The following CIP2A variants were observed in gnomAD, a reference collection of about 807,000 sequenced individuals.
CIP2A encodes the protein protein CIP2A.
In CIP2A, 103 loss-of-function variants were observed where a neutral mutation model predicts 110.9. The ratio of observed to expected loss-of-function variants is 0.93; its 90% CI spans 0.79 to 1.09. The LOEUF (loss-of-function observed/expected upper bound fraction) is 1.09, where lower values mean the gene tolerates loss of function less well. Ranked by LOEUF, CIP2A falls within the 50% of genes least tolerant of loss-of-function variation. CIP2A has a pLI of 0.00. For missense variants in CIP2A, 1,088 were observed against 1,038.4 expected (o/e 1.05, Z -0.66); for synonymous variants, 381 against 361.6 (o/e 1.05, Z -0.61).
intron 4 of CIP2A, among the ~76,000 whole-genome samples, chr3:108,581,882 C>G (rs1314802449): frequency 6.6e-6 from 1 of 152,040 alleles, no homozygotes; most frequent in East Asian, 1.9e-4. Context: ...ATTAAAGTTG[C>G]TTTACAATTT....
intron 8 of CIP2A, among the ~76,000 whole-genome samples, chr3:108,571,509 C>A (rs995420615): frequency 6.6e-6 from 1 of 152,132 alleles, no homozygotes; most frequent in Non-Finnish European, 1.5e-5. Flanking sequence ...AAAAGACAAA[C>A]CCTGTAGGCA....
Position 108,574,800 on chromosome 3 carries a change from G to T in CIP2A, c.894+1471C>A. On this transcript the variant is annotated intron_variant, in intron 8 of 20. Transcript: ENST00000295746. ...CTTTGGAAAGCCCCCAGGGCACCGT[G>T]ACCAGGGTTCACAGTGGCCAAGTCA... is the stretch of plus-strand genomic sequence containing the variant. 3.9e-5 allele frequency: 6 copies of T among 154,162 alleles called. No individual in the cohort carries two copies. The South Asian group carries it at 1.1e-3, about 28-fold the overall frequency. 9.5% of individuals were successfully genotyped at this position (154,162 alleles called of 1,614,324 possible). A position where few individuals can be genotyped will look rare whatever the true frequency, so the allele number is the denominator to read the frequency against.
chr3:108,553,530 CA>C, intron 19 of CIP2A, 117 bp downstream of exon 19: 3 of 890,062 alleles, frequency 3.4e-6, no homozygotes, highest in Non-Finnish European at 4.9e-6. Flanking sequence ...GAAGCCATTC[CA>C]AATATGATTT....
chr3:108,580,293 T>G (rs76988830), intron 5 of CIP2A, among the ~76,000 whole-genome samples: 1,963 of 152,350 alleles, frequency 0.013, 51 homozygotes, highest in African/African-American at 0.044. Context: ...GTTTCGTATA[T>G]TGCTGACAGT....
chr3:108,576,094 T>C (rs571050823), intron 8 of CIP2A, among the ~76,000 whole-genome samples, 177 bp downstream of exon 8: 2 of 152,032 alleles, frequency 1.3e-5, no homozygotes, highest in Admixed American at 6.6e-5. Context: ...CAAGAAGAGT[T>C]CTAGAATACT....
rs892553646 is a variant in CIP2A, at chr3:108,569,733, T to C, written c.895-126A>G. On this transcript the variant is annotated intron_variant, in intron 8 of 20. Coordinates refer to ENST00000295746, the MANE Select transcript of CIP2A (RefSeq NM_020890.3). ...ATATTCTAAAACAAAACTTAAGTTT[T>C]TTCTTTCAATATTATTTTTCAAATG... The C allele has an allele frequency of 8.6e-6, 6 of 696,140 alleles. No homozygotes were observed. The African/African-American group carries it at 1.1e-4, about 13-fold the overall frequency. 43.1% of individuals were successfully genotyped at this position (696,140 alleles called of 1,614,324 possible). A position where few individuals can be genotyped will look rare whatever the true frequency, so the allele number is the denominator to read the frequency against.
chr3:108,583,418 A>G (rs185653750), intron 2 of CIP2A, among the ~76,000 whole-genome samples: 17 of 152,364 alleles, frequency 1.1e-4, no homozygotes, highest in Admixed American at 7.2e-4. Context: ...TTGGCCATAT[A>G]AAAGAATGCA....
Position 108,582,144 on chromosome 3 carries a change from T to C in CIP2A, c.416A>G (p.Asn139Ser), listed in dbSNP as rs1458542979. The C allele has an allele frequency of 3.3e-6, 5 of 1,511,804 alleles. No homozygotes were observed. The highest frequency in any genetic ancestry group is 1.7e-4 in the Middle Eastern group (1 of 5,796). 93.6% of individuals were successfully genotyped at this position (1,511,804 alleles called of 1,614,324 possible). ...CAGGAACGTAATTAATTCATCTATA[T>C]TGGCACCAGAATAGAAAATTTTGAC... ...YNVKIFYSGA[N>S]IDELITFLID... The change falls in exon 4 of 21, where the codon AAT (asparagine) becomes AGT (serine). Residue 139 changes from asparagine (N) to serine (S), a missense_variant. By Grantham distance (46) the Asn-to-Ser change is conservative. Coordinates refer to ENST00000295746, the MANE Select transcript of CIP2A (RefSeq NM_020890.3).
intron 17 of CIP2A, 31 bp downstream of exon 17, chr3:108,557,186 TA>T: frequency 7.1e-7 from 1 of 1,408,498 alleles, no homozygotes; most frequent in Non-Finnish European, 9.7e-7. Flanking sequence ...TTCTAGGTTC[TA>T]ACCTTACACA....
intron 13 of CIP2A, among the ~76,000 whole-genome samples, chr3:108,561,447 G>A (rs984368697): frequency 6.6e-6 from 1 of 152,150 alleles, no homozygotes; most frequent in African/African-American, 2.4e-5. Context: ...ACTTTGGGAG[G>A]ATCACTTGAG....
intron 7 of CIP2A, among the ~76,000 whole-genome samples, chr3:108,577,399 T>C (rs978217418): frequency 2.6e-5 from 4 of 152,068 alleles, no homozygotes; most frequent in African/African-American, 4.8e-5. Context: ...AAAGACAAAA[T>C]GAGGCAATAC....
At position 108,551,330 on chromosome 3, in the gene CIP2A, G is replaced by C; in HGVS notation, c.2548-11C>G. On this transcript the variant is annotated splice_polypyrimidine_tract_variant and intron_variant, in intron 20 of 20. Coordinates refer to ENST00000295746, the MANE Select transcript of CIP2A (RefSeq NM_020890.3). ...CTCTAGGGAGGAAGCCTAAGGAATTGGGGTTGGGGGAGGAGGAAGAATTGA... is the reference window on the plus strand; with the variant it reads ...CTCTAGGGAGGAAGCCTAAGGAATTCGGGTTGGGGGAGGAGGAAGAATTGA... The C allele has an allele frequency of 6.3e-7, 1 of 1,584,868 alleles. No individual in the cohort carries two copies. Among genetic ancestry groups the C allele is most frequent in the Non-Finnish European group, 8.6e-7 (1 of 1,164,718 alleles).
At chr3:108,553,116 C>CTTTTTTTTTTTTTTTTTTTTTTTTT (rs1559687188) in intron 19 of CIP2A, among the ~76,000 whole-genome samples, 1 of 131,110 alleles carries the variant, frequency 7.6e-6, no homozygotes, top group African/African-American at 2.9e-5. Context: ...CATCTCTTTC[C>CTTTTTTTTTTTTTTTTTTTTTTTTT]TTTTGTTTTT....
In CIP2A at chr3:108,566,623, T is replaced by C. The variant is rs1938195663; in HGVS notation, c.1289A>G (p.Asp430Gly). 1 of 1,602,084 alleles carries C rather than the reference T, an allele frequency of 6.2e-7. No individual in the cohort carries two copies. The highest frequency in any genetic ancestry group is 1.3e-5 in the African/African-American group (1 of 74,302). Residue 430 changes from aspartate to glycine, a missense_variant, in exon 11 of 21, where the codon GAT (aspartate) becomes GGT (glycine). Physicochemically the swap from Asp to Gly is moderately conservative, Grantham distance 94. Transcript: ENST00000295746. ...TTTTGCAATATGCATTTTTAGTGTA[T>C]CATCTCCACAGAGAGGTTAAGTTTT... Reference protein sequence around the residue: ...IEVLLTLCGDDTLKMHIAKIL... With the variant: ...IEVLLTLCGDGTLKMHIAKIL...
Position 108,557,404 on chromosome 3 carries a change from A to G in CIP2A, c.2024T>C (p.Leu675Pro). ...RTQAETEART[L>P]ASMLREVERK... Reference sequence around the variant, plus strand: ...CTCAACTTCTCTCAACATACTAGCAAGTGTCCGTGCCTCAAAAAAAAAAAG... The same window carrying G: ...CTCAACTTCTCTCAACATACTAGCAGGTGTCCGTGCCTCAAAAAAAAAAAG... The change falls in exon 17 of 21, where the codon CTT becomes CCT. Residue 675 changes from leucine (L) to proline (P), a missense_variant. By Grantham distance (98) the Leu-to-Pro change is moderately conservative. Coordinates refer to ENST00000295746, the MANE Select transcript of CIP2A (RefSeq NM_020890.3). 1 of 1,593,394 alleles carries G rather than the reference A, an allele frequency of 6.3e-7. No individual in the cohort carries two copies. Among genetic ancestry groups the G allele is most frequent in the Non-Finnish European group, 8.6e-7 (1 of 1,168,320 alleles).
intron 20 of CIP2A, among the ~76,000 whole-genome samples, chr3:108,552,028 C>T (rs897622697): frequency 6.6e-6 from 1 of 152,158 alleles, no homozygotes; most frequent in African/African-American, 2.4e-5. Flanking sequence ...CAGGTGCTGA[C>T]ACAAAGTATC....
rs1226655993 is a variant in CIP2A at position 108,553,132 on chromosome 3, T to G, written c.2407+516A>C. ...ATCTCTTTCCTTTTGTTTTTTTTTT[T>G]TTTTTTTTTTTTTTTGAGACAGTCT... On this transcript the variant is annotated intron_variant, in intron 19 of 20. Coordinates refer to ENST00000295746, the MANE Select transcript of CIP2A (RefSeq NM_020890.3). Among the ~76,000 whole-genome samples the G allele has an allele frequency of 4.8e-4, 67 of 139,518 alleles. No individual in the cohort carries two copies. The South Asian group carries it at 8.8e-3, about 18-fold the overall frequency. 91.5% of individuals were successfully genotyped at this position (139,518 alleles called of 152,430 possible). A position where few individuals can be genotyped will look rare whatever the true frequency, so the allele number is the denominator to read the frequency against.
Position 108,553,741 on chromosome 3 carries a change from T to TA in CIP2A, c.2325-12dup, listed in dbSNP as rs72470117. 194,175 of 1,483,148 alleles carry TA rather than the reference T, an allele frequency of 0.13. 14,065 individuals carry two copies. The highest frequency in any genetic ancestry group is 0.26 in the South Asian group (22,282 of 85,508). The allele number at this position is 1,483,148 out of a possible 1,614,324, so 91.9% of individuals were successfully genotyped here. ...AATTGGGCAATACTTCTGAAGTTAT[T>TA]AAAAAAAATAGAAGAAAACATTAAT... On this transcript the variant is annotated splice_polypyrimidine_tract_variant and intron_variant, in intron 18 of 20. Transcript: ENST00000295746.
At chr3:108,551,539 T>C (rs892751158) in intron 20 of CIP2A, among the ~76,000 whole-genome samples, 1 of 152,112 alleles carries the variant, frequency 6.6e-6, no homozygotes, top group African/African-American at 2.4e-5. Flanking sequence ...ACTTTCAACT[T>C]GTCTTAAGTT....
Sources: gnomAD v4.1 joint callset for allele counts (sites outside exome capture counted in the v4.1 genomes callset) on GRCh38, gnomAD v4.1.1 for gene constraint, MANE v1.5 for transcripts, NCBI Gene and HGNC (gene_info 2026-07-23, HGNC 2026-07-21) for gene names.